The following PLCB1 variants were observed in gnomAD, a reference collection of about 807,000 sequenced individuals.
PLCB1 encodes phospholipase C beta 1, also known as 1-phosphatidylinositol 4,5-bisphosphate phosphodiesterase beta-1.
PLCB1 carries 46 observed loss-of-function variants against 161.8 expected under a neutral mutation model. The ratio of observed to expected loss-of-function variants is 0.28; its 90% CI spans 0.22 to 0.36. The LOEUF is 0.36. Among genes scored for constraint, PLCB1 ranks in the 10% least tolerant of loss-of-function variants. PLCB1 has a pLI of 1.00. For synonymous variants in PLCB1, 517 were observed against 503.7 expected (o/e 1.03, Z -0.35); for missense variants, 1,016 against 1,472.5 (o/e 0.69, Z 5.07).
At chr20:8,709,008 C>T (rs1324114730) in intron 12 of PLCB1, among the ~76,000 whole-genome samples, 1 of 152,142 alleles carries the variant, frequency 6.6e-6, no homozygotes, top group East Asian at 1.9e-4. Context: ...TTTTGCAATG[C>T]AGTGGAACAC....
At chr20:8,702,245 C>T (rs951952795) in intron 11 of PLCB1, among the ~76,000 whole-genome samples, 41 of 152,240 alleles carry the variant, frequency 2.7e-4, no homozygotes, top group African/African-American at 8.2e-4. Context: ...ATCACCTTAG[C>T]CTTCCTGGTG....
chr20:8,758,851 C>T lies in PLCB1; in HGVS notation c.2657-1556C>T, dbSNP rs6039254. Among the ~76,000 whole-genome samples the T allele has an allele frequency of 6.8e-3, 1,040 of 152,190 alleles. 13 individuals carry two copies. The highest frequency in any genetic ancestry group is 0.023 in the African/African-American group (936 of 41,510). On this transcript the variant is annotated intron_variant, in intron 24 of 31. Coordinates refer to ENST00000338037, the MANE Select transcript of PLCB1 (RefSeq NM_015192.4). ...AATATTTTTTAAATGGCACAGAATA[C>T]ATTGCAAAAATAACCTCTTCTTCCC...
chr20:8,205,207 A>G (rs920118643), intron 2 of PLCB1, among the ~76,000 whole-genome samples: 22 of 152,198 alleles, frequency 1.4e-4, no homozygotes, highest in African/African-American at 4.6e-4. Flanking sequence ...TTGAAACAGA[A>G]CAATATGAGT....
chr20:8,738,438 G>A (rs1359013869), intron 20 of PLCB1, among the ~76,000 whole-genome samples: 1 of 152,134 alleles, frequency 6.6e-6, no homozygotes, highest in Non-Finnish European at 1.5e-5. Context: ...GATGGCCAGT[G>A]ATGGTGAGCA....
intron 3 of PLCB1, among the ~76,000 whole-genome samples, chr20:8,529,034 C>CT (rs1338792336): frequency 6.6e-6 from 1 of 151,814 alleles, no homozygotes; most frequent in Non-Finnish European, 1.5e-5. Flanking sequence ...CTTCCAGTCC[C>CT]TTCAGTATCA....
At chr20:8,146,620 A>G (rs1428599448) in intron 1 of PLCB1, among the ~76,000 whole-genome samples, 3 of 152,196 alleles carry the variant, frequency 2.0e-5, no homozygotes, top group African/African-American at 7.2e-5. Flanking sequence ...TTGATGAGCA[A>G]ATCATTGTAA....
At chr20:8,391,809 A>ATATGTGTGTGTG (rs1987608355) in intron 3 of PLCB1, among the ~76,000 whole-genome samples, 1 of 142,216 alleles carries the variant, frequency 7.0e-6, no homozygotes. Context: ...ATATATATAT[A>ATATGTGTGTGTG]TATATATATA....
At chr20:8,227,040 TATC>T (rs1306777302) in intron 2 of PLCB1, among the ~76,000 whole-genome samples, 1 of 152,186 alleles carries the variant, frequency 6.6e-6, no homozygotes, top group African/African-American at 2.4e-5. Flanking sequence ...TCTGAAATGT[TATC>T]ATTTCAACAT....
At chr20:8,578,650 T>C (rs1986748082) in intron 3 of PLCB1, among the ~76,000 whole-genome samples, 1 of 152,254 alleles carries the variant, frequency 6.6e-6, no homozygotes, top group Non-Finnish European at 1.5e-5. Flanking sequence ...CCTGTGCTTG[T>C]TCCCCCAATT....
intron 3 of PLCB1, among the ~76,000 whole-genome samples, chr20:8,586,057 T>C (rs1285055882): frequency 6.6e-6 from 1 of 152,212 alleles, no homozygotes; most frequent in East Asian, 1.9e-4. Flanking sequence ...CATGCAGAGC[T>C]GAGTGGATAA....
chr20:8,288,606 A>G (rs1435825846), intron 2 of PLCB1, among the ~76,000 whole-genome samples: 1 of 152,182 alleles, frequency 6.6e-6, no homozygotes, highest in African/African-American at 2.4e-5. Flanking sequence ...AGGTGCATGC[A>G]TAAACTTCCA....
intron 2 of PLCB1, among the ~76,000 whole-genome samples, chr20:8,274,009 AATC>A (rs756202947): frequency 5.3e-5 from 8 of 152,216 alleles, no homozygotes; most frequent in Admixed American, 1.3e-4. Context: ...TAGGAGAAAA[AATC>A]ATCATACTGA....
chr20:8,791,856 C>T (rs916002280), intron 31 of PLCB1, among the ~76,000 whole-genome samples: 3 of 152,164 alleles, frequency 2.0e-5, no homozygotes, highest in African/African-American at 7.2e-5. Flanking sequence ...CTGGATATAA[C>T]TGGACATGAA....
chr20:8,473,749 G>T (rs1287544236), intron 3 of PLCB1, among the ~76,000 whole-genome samples: 1 of 152,156 alleles, frequency 6.6e-6, no homozygotes, highest in Admixed American at 6.6e-5. Context: ...TGTTTCAGAA[G>T]AGTTAAGGCA....
At chr20:8,559,861 C>T (rs1415707394) in intron 3 of PLCB1, among the ~76,000 whole-genome samples, 1 of 151,986 alleles carries the variant, frequency 6.6e-6, no homozygotes, top group Non-Finnish European at 1.5e-5. Flanking sequence ...ATTTACCTCT[C>T]TGAGTTTCAT....
chr20:8,256,586 G>A (rs1469647566), intron 2 of PLCB1: 1 of 152,150 alleles, frequency 6.6e-6, no homozygotes, highest in East Asian at 1.9e-4. Flanking sequence ...TTTAACAGGA[G>A]GGGAAAATAA....
At chr20:8,571,544 G>T (rs1443591020) in intron 3 of PLCB1, among the ~76,000 whole-genome samples, 1 of 152,130 alleles carries the variant, frequency 6.6e-6, no homozygotes, top group Non-Finnish European at 1.5e-5. Context: ...GATGGCTTGT[G>T]GAGAGACAAC....
chr20:8,782,728 A>G (rs1430809001), intron 27 of PLCB1, among the ~76,000 whole-genome samples: 23 of 152,164 alleles, frequency 1.5e-4, no homozygotes, highest in Non-Finnish European at 5.9e-5. Context: ...TTTCTTGTAG[A>G]AGAAAAACAA....
rs751609279 is a variant in PLCB1, at chr20:8,260,942, T to G, written c.178-110440T>G. 6.6e-5 allele frequency among the ~76,000 whole-genome samples: 10 copies of G among 152,124 alleles called. No homozygotes were observed. In the South Asian group the frequency reaches 8.3e-4, roughly 13 times the overall value. Reference sequence around the variant, plus strand: ...TTATGCCTTCCACCAATCTGGAGACTGCCCATGGTCAGCGACCGAAAAATG... The same window carrying G: ...TTATGCCTTCCACCAATCTGGAGACGGCCCATGGTCAGCGACCGAAAAATG... On this transcript the variant is annotated intron_variant, in intron 2 of 31. Coordinates refer to ENST00000338037, the MANE Select transcript of PLCB1 (RefSeq NM_015192.4).
Sources: gnomAD v4.1 joint callset for allele counts (sites outside exome capture counted in the v4.1 genomes callset) on GRCh38, gnomAD v4.1.1 for gene constraint, MANE v1.5 for transcripts, NCBI Gene and HGNC (gene_info 2026-07-23, HGNC 2026-07-21) for gene names.